Variants in PARD3B observed in about 807,000 individuals in gnomAD.
PARD3B encodes the protein partitioning defective 3 homolog B.
A neutral mutation model predicts 130.2 loss-of-function variants in PARD3B; 103 were observed. The observed-to-expected ratio is 0.79, with a 90% CI of 0.67 to 0.93. PARD3B has a LOEUF of 0.93. Among genes scored for constraint, PARD3B ranks in the 40% least tolerant of loss-of-function variants. The pLI, the probability that PARD3B is intolerant of heterozygous loss-of-function variation, is 0.00. For synonymous variants in PARD3B, 583 were observed against 553.2 expected (o/e 1.05, Z -0.76); for missense variants, 1,609 against 1,499.2 (o/e 1.07, Z -1.21).
chr2:205,447,096 A>G (rs1283718976), intron 20 of PARD3B, among the ~76,000 whole-genome samples: 3 of 152,250 alleles, frequency 2.0e-5, no homozygotes, highest in Non-Finnish European at 4.4e-5. Context: ...ACTGATATAT[A>G]CTAATTTACC....
rs542698360 is a variant in PARD3B at position 204,844,123 on chromosome 2, CAAAT to C, written c.223-121026_223-121023del. Among the ~76,000 whole-genome samples the C allele has an allele frequency of 1.2e-3, 188 of 152,250 alleles. 3 individuals are homozygous for C. The highest frequency in any genetic ancestry group is 4.5e-3 in the African/African-American group (185 of 41,518). On this transcript the variant is annotated intron_variant, in intron 2 of 22. Transcript: ENST00000406610. The stretch of plus-strand genomic sequence containing the variant: ...GGATAGACATTGTCTTACCTAATCA[CAAAT>C]AAGCCTTTCCCAAAGGAAGTGGTTA...
At chr2:204,892,636 G>C (rs1277094946) in intron 2 of PARD3B, among the ~76,000 whole-genome samples, 1 of 152,150 alleles carries the variant, frequency 6.6e-6, no homozygotes, top group Non-Finnish European at 1.5e-5. Flanking sequence ...TATAGGGGTG[G>C]AAGTGTCAAA....
intron 19 of PARD3B, 68 bp downstream of exon 19, chr2:205,401,191 A>G: frequency 2.4e-6 from 3 of 1,225,402 alleles, no homozygotes; most frequent in Non-Finnish European, 3.5e-6. Flanking sequence ...AGATATTGCA[A>G]CAGTCAACTG....
At chr2:204,638,799 T>C (rs7596133) in intron 1 of PARD3B, among the ~76,000 whole-genome samples, 4,258 of 152,292 alleles carry the variant, frequency 0.028, 162 homozygotes, top group African/African-American at 0.08. Flanking sequence ...TGATGGCATA[T>C]AGTTCGTAAC....
chr2:205,440,081 T>C lies in PARD3B; in HGVS notation c.2742-289T>C, dbSNP rs1270132127. Among the ~76,000 whole-genome samples, 1 of 152,106 alleles carries C rather than the reference T, an allele frequency of 6.6e-6. No individual in the cohort carries two copies. The highest frequency in any genetic ancestry group is 2.4e-5 in the African/African-American group (1 of 41,420). On this transcript the variant is annotated intron_variant, in intron 19 of 22. Transcript: ENST00000406610. The surrounding 1 kb of genome is among the most constrained non-coding windows in gnomAD (Gnocchi z 4.2). ...GCACATGCCATCTGTGGGGAGGGAATGTGAATGAAAACAGCCTCTGAAGCT... is the reference window on the plus strand; with the variant it reads ...GCACATGCCATCTGTGGGGAGGGAACGTGAATGAAAACAGCCTCTGAAGCT...
At position 205,473,793 on chromosome 2, in the gene PARD3B, C is replaced by T. The variant is rs1271983426; in HGVS notation, c.3045-26103C>T. ...ATATATTTTATATTTTTTTAACTTGCAGTTCAACCTGTTGTCTTACGAAAG... is the reference window on the plus strand; with the variant it reads ...ATATATTTTATATTTTTTTAACTTGTAGTTCAACCTGTTGTCTTACGAAAG... On this transcript the variant is annotated intron_variant, in intron 20 of 22. Coordinates refer to ENST00000406610, the MANE Select transcript of PARD3B (RefSeq NM_001302769.2). The surrounding 1 kb of genome is among the most constrained non-coding windows in gnomAD (Gnocchi z 4.9). 6.8e-6 allele frequency among the ~76,000 whole-genome samples: 1 copy of T among 147,064 alleles called. No individual in the cohort carries two copies. Among genetic ancestry groups the T allele is most frequent in the Non-Finnish European group, 1.5e-5 (1 of 67,160 alleles).
At position 204,545,831 on chromosome 2, in the gene PARD3B, G is replaced by T; in HGVS notation, c.-169G>T. 1 of 669,262 alleles carries T rather than the reference G, an allele frequency of 1.5e-6. No individual in the cohort carries two copies. Among genetic ancestry groups the T allele is most frequent in the Non-Finnish European group, 2.2e-6 (1 of 447,110 alleles). 41.5% of individuals were successfully genotyped at this position (669,262 alleles called of 1,614,324 possible). On this transcript the variant is annotated 5_prime_UTR_variant, in exon 1 of 23. Coordinates refer to ENST00000406610, the MANE Select transcript of PARD3B (RefSeq NM_001302769.2). ...CCCGATTCCCGCCACCTGCCGCCTG[G>T]CCAGGTGGAAGGGGCGCTGCCGCGA...
intron 21 of PARD3B, among the ~76,000 whole-genome samples, chr2:205,523,203 T>C (rs1193145683): frequency 1.2e-3 from 132 of 113,180 alleles, no homozygotes; most frequent in African/African-American, 3.7e-3. Context: ...TACCCCCGTG[T>C]ACTATATGTG....
chr2:205,531,145 T>C (rs1055990855), intron 21 of PARD3B, among the ~76,000 whole-genome samples: 1 of 152,168 alleles, frequency 6.6e-6, no homozygotes, highest in Non-Finnish European at 1.5e-5. Flanking sequence ...GGGACTCAGG[T>C]TTTTTTCACC....
intron 2 of PARD3B, among the ~76,000 whole-genome samples, chr2:204,869,511 A>G (rs1257291910): frequency 6.6e-6 from 1 of 152,172 alleles, no homozygotes; most frequent in African/African-American, 2.4e-5. Context: ...ATCTAAAATT[A>G]GAGCCTGAAG....
At chr2:205,040,610 T>C (rs1225609008) in intron 3 of PARD3B, among the ~76,000 whole-genome samples, 1 of 152,232 alleles carries the variant, frequency 6.6e-6, no homozygotes, top group Non-Finnish European at 1.5e-5. Context: ...CTTTCTATGC[T>C]ATTAATATGG....
intron 16 of PARD3B, among the ~76,000 whole-genome samples, chr2:205,270,562 A>C (rs1425956281): frequency 6.6e-6 from 1 of 151,246 alleles, no homozygotes; most frequent in East Asian, 1.9e-4. Context: ...GTGAGACTCC[A>C]TCTCAAAAAA....
At chr2:205,295,365 G>A (rs1358187961) in intron 16 of PARD3B, among the ~76,000 whole-genome samples, 4 of 152,174 alleles carry the variant, frequency 2.6e-5, no homozygotes, top group Admixed American at 6.5e-5. Context: ...GTCTCATGCT[G>A]TGACCCCTGG....
At chr2:205,485,135 A>C (rs2049389403) in intron 20 of PARD3B, among the ~76,000 whole-genome samples, 1 of 152,180 alleles carries the variant, frequency 6.6e-6, no homozygotes, top group Non-Finnish European at 1.5e-5. Context: ...CCAGTGGGAA[A>C]AGTCTTTGTC....
chr2:205,165,053 A>G (rs1462973761), intron 11 of PARD3B, among the ~76,000 whole-genome samples: 3 of 151,802 alleles, frequency 2.0e-5, no homozygotes, highest in South Asian at 2.1e-4. Flanking sequence ...AATCAATAAG[A>G]TAAGTATGTT....
intron 19 of PARD3B, among the ~76,000 whole-genome samples, chr2:205,429,542 A>G (rs998720313): frequency 3.3e-5 from 5 of 152,216 alleles, no homozygotes; most frequent in Admixed American, 6.6e-5. Flanking sequence ...TTTACAATGG[A>G]GACATCAGTT....
At chr2:204,896,213 G>A (rs1339280718) in intron 2 of PARD3B, among the ~76,000 whole-genome samples, 1 of 152,174 alleles carries the variant, frequency 6.6e-6, no homozygotes, top group African/African-American at 2.4e-5. Context: ...GAGATAACTA[G>A]AGGTTAGGTT....
chr2:204,614,019 C>T (rs375774533), intron 1 of PARD3B, among the ~76,000 whole-genome samples: 4 of 151,658 alleles, frequency 2.6e-5, no homozygotes, highest in African/African-American at 7.3e-5. Context: ...CTTGTTGGGC[C>T]CCTTAAATGT....
At chr2:205,466,499 G>T (rs1187097655) in intron 20 of PARD3B, among the ~76,000 whole-genome samples, 1 of 152,206 alleles carries the variant, frequency 6.6e-6, no homozygotes, top group Non-Finnish European at 1.5e-5. Context: ...TGTCTCCACA[G>T]TTGAATAAGC....
Sources: gnomAD v4.1 joint callset for allele counts (sites outside exome capture counted in the v4.1 genomes callset) on GRCh38, gnomAD v4.1.1 for gene constraint, Gnocchi (gnomAD v3.1) non-coding constraint, MANE v1.5 for transcripts, NCBI Gene and HGNC (gene_info 2026-07-23, HGNC 2026-07-21) for gene names.